Variants in CNTNAP3 observed in about 807,000 individuals in gnomAD.
CNTNAP3 encodes the protein contactin-associated protein-like 3.
A neutral mutation model predicts 92.1 loss-of-function variants in CNTNAP3; 36 were observed. The observed-to-expected ratio is 0.39, with a 90% CI of 0.30 to 0.52. CNTNAP3 has a LOEUF of 0.52. Ranked by LOEUF, CNTNAP3 falls within the 20% of genes least tolerant of loss-of-function variation. CNTNAP3 has a pLI of 0.76. For missense variants in CNTNAP3, 534 were observed against 1,069.6 expected (o/e 0.50, Z 6.98); for synonymous variants, 232 against 422.3 (o/e 0.55, Z 5.53).
rs1373083124 is a variant in CNTNAP3, at chr9:39,284,494, A to C, written c.85+3486T>G. Among the ~76,000 whole-genome samples, 2 of 33,234 alleles carry C rather than the reference A, an allele frequency of 6.0e-5. 1 individual carries two copies. The highest frequency in any genetic ancestry group is 1.7e-4 in the Non-Finnish European group (2 of 11,496). 21.8% of individuals were successfully genotyped at this position (33,234 alleles called of 152,430 possible). On this transcript the variant is annotated intron_variant, in intron 1 of 23. Coordinates refer to ENST00000297668, the MANE Select transcript of CNTNAP3 (RefSeq NM_033655.5). ...GAGAGGAAGAGGAAGAAGAACGCCAAGTAATTTGATTTTTCTTTTTTCATG... is the reference window on the plus strand; with the variant it reads ...GAGAGGAAGAGGAAGAAGAACGCCACGTAATTTGATTTTTCTTTTTTCATG...
chr9:39,151,934 C>T lies in CNTNAP3; in HGVS notation c.1478-1957G>A, dbSNP rs551844976. ...ATATTGGCATGACACTTTGAGTCCA[C>T]GCAAATACCCTTTTCTCCAAAGATT... On this transcript the variant is annotated intron_variant, in intron 9 of 23. Transcript: ENST00000297668. Among the ~76,000 whole-genome samples, 22 of 150,726 alleles carry T rather than the reference C, an allele frequency of 1.5e-4. 1 individual carries two copies. The East Asian group carries it at 2.1e-3, about 15-fold the overall frequency.
At chr9:39,109,064 C>T (rs2117907083) in intron 15 of CNTNAP3, 96 bp downstream of exon 15, 2 of 1,487,928 alleles carry the variant, frequency 1.3e-6, no homozygotes, top group East Asian at 2.4e-5. Context: ...AGTACTGCCA[C>T]TATTCTCTTT....
intron 14 of CNTNAP3, among the ~76,000 whole-genome samples, chr9:39,110,893 A>C (rs921431226): frequency 1.3e-5 from 2 of 152,194 alleles, no homozygotes; most frequent in African/African-American, 4.8e-5. Flanking sequence ...TATGGTTAGA[A>C]ACTCCACAGT....
intron 11 of CNTNAP3, among the ~76,000 whole-genome samples, 198 bp from the exon 12 acceptor site, chr9:39,140,836 G>GA (rs1378470642): frequency 6.6e-6 from 1 of 152,112 alleles, no homozygotes; most frequent in Non-Finnish European, 1.5e-5. Context: ...TAACAAAGGA[G>GA]AAAAAAATTA....
rs1437401386 is a variant in CNTNAP3 at position 39,068,335 on chromosome 9, G to A, written c.*5555C>T. Among the ~76,000 whole-genome samples the A allele has an allele frequency of 2.0e-5, 3 of 152,306 alleles. No individual in the cohort carries two copies. Among genetic ancestry groups the A allele is most frequent in the Admixed American group, 6.5e-5 (1 of 15,292 alleles). On this transcript the variant is annotated 3_prime_UTR_variant, in exon 24 of 24. Transcript: ENST00000297668. ...GGAGGCTGAGGCAGGAGAATGGCATGAACCCTGGAGGCGGAGCTTGCAGTG... is the reference window on the plus strand; with the variant it reads ...GGAGGCTGAGGCAGGAGAATGGCATAAACCCTGGAGGCGGAGCTTGCAGTG...
intron 9 of CNTNAP3, among the ~76,000 whole-genome samples, chr9:39,161,641 C>A (rs977062454): frequency 8.8e-6 from 1 of 114,272 alleles, no homozygotes; most frequent in East Asian, 2.5e-4. Flanking sequence ...CATAGCGAGA[C>A]CTCGTCTCTA....
chr9:39,218,590 C>A lies in CNTNAP3; in HGVS notation c.390+20403G>T, dbSNP rs1252578738. 4.2e-4 allele frequency among the ~76,000 whole-genome samples: 2 copies of A among 4,790 alleles called. 1 individual carries two copies. Among genetic ancestry groups the A allele is most frequent in the Admixed American group, 0.012 (2 of 170 alleles). The allele number at this position is 4,790 out of a possible 152,430, so 3.1% of individuals were successfully genotyped here. On this transcript the variant is annotated intron_variant, in intron 3 of 23. Transcript: ENST00000297668. Reference sequence around the variant, plus strand: ...GGGACTACAGGCACCCGCCACCACACCTGGCTAATTTTTTGTATTTTTAGT... The same window carrying A: ...GGGACTACAGGCACCCGCCACCACAACTGGCTAATTTTTTGTATTTTTAGT...
At chr9:39,117,341 C>A (rs1010698463) in intron 14 of CNTNAP3, among the ~76,000 whole-genome samples, 1 of 152,012 alleles carries the variant, frequency 6.6e-6, no homozygotes, top group African/African-American at 2.4e-5. Context: ...TGTTTTATGA[C>A]AATGCTTTTT....
chr9:39,066,268 A>G lies in CNTNAP3; in HGVS notation c.*7622T>C, dbSNP rs568188246. On this transcript the variant is annotated 3_prime_UTR_variant, in exon 24 of 24. Transcript: ENST00000297668. ...GTCTAAGAACCTTACAAACTAAACT[A>G]TATTTCCATTTACTCTAGGTTATTG... 3.9e-5 allele frequency among the ~76,000 whole-genome samples: 6 copies of G among 152,338 alleles called. No individual in the cohort carries two copies. The highest frequency in any genetic ancestry group is 3.9e-4 in the Admixed American group (6 of 15,296).
In CNTNAP3 at chr9:39,068,121, C is replaced by T. The variant is rs1179966722; in HGVS notation, c.*5769G>A. 6.7e-4 allele frequency among the ~76,000 whole-genome samples: 102 copies of T among 151,954 alleles called. No homozygotes were observed. The highest frequency in any genetic ancestry group is 2.1e-3 in the African/African-American group (88 of 41,208). ...CATGTGCGATATTAAAATTTCAGGG[C>T]GGGCGCAGTGGCTTACGCCTGTGAT... On this transcript the variant is annotated 3_prime_UTR_variant, in exon 24 of 24. Transcript: ENST00000297668.
In CNTNAP3 at chr9:39,069,468, A is replaced by G. The variant is rs1470735163; in HGVS notation, c.*4422T>C. On this transcript the variant is annotated 3_prime_UTR_variant, in exon 24 of 24. Coordinates refer to ENST00000297668, the MANE Select transcript of CNTNAP3 (RefSeq NM_033655.5). ...GCAAAATCTAAAAGTTCATCTTATGATTTTAAACATTTTTATTCACAGAGC... is the reference window on the plus strand; with the variant it reads ...GCAAAATCTAAAAGTTCATCTTATGGTTTTAAACATTTTTATTCACAGAGC... Among the ~76,000 whole-genome samples the G allele has an allele frequency of 1.1e-3, 171 of 151,556 alleles. No individual in the cohort carries two copies. Among genetic ancestry groups the G allele is most frequent in the African/African-American group, 3.9e-3 (159 of 40,786 alleles).
chr9:39,104,358 G>C (rs1185296590), intron 15 of CNTNAP3, among the ~76,000 whole-genome samples: 1 of 151,914 alleles, frequency 6.6e-6, no homozygotes, highest in East Asian at 1.9e-4. Context: ...GCTCAGTTTG[G>C]GACATGTTTC....
At chr9:39,074,663 AC>A (rs1458431652) in intron 23 of CNTNAP3, among the ~76,000 whole-genome samples, 1 of 152,208 alleles carries the variant, frequency 6.6e-6, no homozygotes, top group African/African-American at 2.4e-5. Flanking sequence ...AAATCATTTT[AC>A]AAGTATAGAG....
intron 14 of CNTNAP3, among the ~76,000 whole-genome samples, chr9:39,112,823 G>A (rs1820740852): frequency 6.6e-6 from 1 of 152,106 alleles, no homozygotes. Context: ...AATACAGTAT[G>A]TCTTGACAGC....
chr9:39,147,867 G>GAT (rs1353001194), intron 10 of CNTNAP3, among the ~76,000 whole-genome samples: 2 of 152,158 alleles, frequency 1.3e-5, no homozygotes, highest in African/African-American at 4.8e-5. Flanking sequence ...GCAGCCTCAC[G>GAT]ATATATATCT....
rs1405314288 is a variant in CNTNAP3, at chr9:39,067,956, G to A, written c.*5934C>T. Among the ~76,000 whole-genome samples the A allele has an allele frequency of 1.3e-5, 2 of 152,312 alleles. No individual in the cohort carries two copies. Among genetic ancestry groups the A allele is most frequent in the African/African-American group, 2.4e-5 (1 of 41,488 alleles). ...TCTATTCATGGTTGTATGTGAACAT[G>A]CACTCTCAGTGAGAGTAATATTGTC... On this transcript the variant is annotated 3_prime_UTR_variant, in exon 24 of 24. Coordinates refer to ENST00000297668, the MANE Select transcript of CNTNAP3 (RefSeq NM_033655.5).
At chr9:39,159,360 AAAAATATTATATATATATATATTTTT>A (rs1563895823) in intron 9 of CNTNAP3, 2 of 135,724 alleles carry the variant, frequency 1.5e-5, no homozygotes, top group African/African-American at 5.7e-5. Context: ...TATATATTTT[AAAAATATTATATATATATATATTTTT>A]AAAAAACATT....
chr9:39,087,371 G>A (rs964808916), intron 19 of CNTNAP3, among the ~76,000 whole-genome samples: 1 of 152,282 alleles, frequency 6.6e-6, no homozygotes, highest in Non-Finnish European at 1.5e-5. Flanking sequence ...CAGGAGACAA[G>A]GTTTCCATAG....
intron 13 of CNTNAP3, among the ~76,000 whole-genome samples, chr9:39,128,981 G>A (rs926697048): frequency 6.6e-6 from 1 of 151,942 alleles, no homozygotes; most frequent in Non-Finnish European, 1.5e-5. Flanking sequence ...ACAAAATGCT[G>A]AGGCAAGAAA....
Sources: gnomAD v4.1 joint callset for allele counts (sites outside exome capture counted in the v4.1 genomes callset) on GRCh38, gnomAD v4.1.1 for gene constraint, MANE v1.5 for transcripts, NCBI Gene and HGNC (gene_info 2026-07-23, HGNC 2026-07-21) for gene names.